The following ARHGAP25 variants were observed in gnomAD, a reference collection of about 807,000 sequenced individuals.
ARHGAP25 encodes the protein rho GTPase-activating protein 25.
ARHGAP25 carries 34 observed loss-of-function variants against 71.0 expected under a neutral mutation model. The ratio of observed to expected loss-of-function variants is 0.48; its 90% CI spans 0.36 to 0.64. The LOEUF is 0.64. Ranked by LOEUF, ARHGAP25 falls within the 30% of genes least tolerant of loss-of-function variation. The pLI, the probability that ARHGAP25 is intolerant of heterozygous loss-of-function variation, is 0.00. For synonymous variants in ARHGAP25, 282 were observed against 296.5 expected, an observed-to-expected ratio of 0.95 and a Z score of 0.50; for missense variants, 706 against 805.1, an observed-to-expected ratio of 0.88 and a Z score of 1.49.
chr2:68,771,265 T>C, intron 1 of ARHGAP25, among the ~76,000 whole-genome samples: 1 of 152,268 alleles, frequency 6.6e-6, no homozygotes, highest in African/African-American at 2.4e-5. Flanking sequence ...AGCAACTGCC[T>C]TCCCACCTTT....
intron 1 of ARHGAP25, among the ~76,000 whole-genome samples, chr2:68,748,016 A>G (rs2104307456): frequency 6.6e-6 from 1 of 152,300 alleles, no homozygotes; most frequent in Non-Finnish European, 1.5e-5. Flanking sequence ...AAAAGTGGAA[A>G]TCAAATGTGT....
rs1677202916 is a variant in ARHGAP25, at chr2:68,767,527, A to G, written c.62-7694A>G. ...GTAGCAATGCCAGGTCTGCTGTTTCAGAGAGCTCCCCAGTCGGCTCCTTCC... is the reference window on the plus strand; with the variant it reads ...GTAGCAATGCCAGGTCTGCTGTTTCGGAGAGCTCCCCAGTCGGCTCCTTCC... On this transcript the variant is annotated intron_variant, in intron 1 of 10. Transcript: ENST00000409202. The surrounding 1 kb of genome is among the most constrained non-coding windows in gnomAD (Gnocchi z 4.6). Among the ~76,000 whole-genome samples, 2 of 152,086 alleles carry G rather than the reference A, an allele frequency of 1.3e-5. No homozygotes were observed. Among genetic ancestry groups the G allele is most frequent in the Non-Finnish European group, 2.9e-5 (2 of 68,006 alleles).
chr2:68,735,020 C>T lies in ARHGAP25; in HGVS notation c.-180C>T. 1.6e-6 allele frequency: 1 copy of T among 639,426 alleles called. No homozygotes were observed. Among genetic ancestry groups the T allele is most frequent in the South Asian group, 1.9e-5 (1 of 53,674 alleles). 39.6% of individuals were successfully genotyped at this position (639,426 alleles called of 1,614,324 possible). ...AGTGACAGATGGATGGACCTTTCAT[C>T]TAAGAGAAAGGAGGAGACACGTTGG... On this transcript the variant is annotated 5_prime_UTR_variant, in exon 1 of 11. Coordinates refer to ENST00000409202, the MANE Select transcript of ARHGAP25 (RefSeq NM_001007231.3).
At position 68,816,336 on chromosome 2, in the gene ARHGAP25, C is replaced by T; in HGVS notation, c.855C>T (p.Asn285=). ...AGCTCTCCATCCTTCCTCGTGACAA[C>T]TATAGTCTCCTGAGCTACATCTGCA... is the stretch of plus-strand genomic sequence containing the variant. ...MKQLSILPRD[N]YSLLSYICRF... Residue 285 remains asparagine (N), a synonymous_variant, in exon 7 of 11, where the codon AAC becomes AAT. Transcript: ENST00000409202. 6.2e-7 allele frequency: 1 copy of T among 1,613,846 alleles called. No individual in the cohort carries two copies. The highest frequency in any genetic ancestry group is 8.5e-7 in the Non-Finnish European group (1 of 1,179,776).
chr2:68,764,480 A>G (rs913600171), intron 1 of ARHGAP25, among the ~76,000 whole-genome samples: 3 of 152,104 alleles, frequency 2.0e-5, no homozygotes, highest in African/African-American at 7.2e-5. Context: ...TCTCTGTTGA[A>G]GGAAAGTTCA....
intron 1 of ARHGAP25, among the ~76,000 whole-genome samples, chr2:68,770,140 T>C (rs1677391133): frequency 6.6e-6 from 1 of 152,090 alleles, no homozygotes. Context: ...TAAAGCAGGT[T>C]TGGGCATGTG....
intron 3 of ARHGAP25, among the ~76,000 whole-genome samples, chr2:68,785,811 A>G (rs1332082534): frequency 6.6e-6 from 1 of 152,202 alleles, no homozygotes; most frequent in Non-Finnish European, 1.5e-5. Flanking sequence ...GTCCATTTCC[A>G]ACAAGAGAAA....
upstream of ARHGAP25, among the ~76,000 whole-genome samples, chr2:68,734,555 C>A (rs373244029): frequency 6.6e-5 from 10 of 152,204 alleles, no homozygotes; most frequent in African/African-American, 1.9e-4. Flanking sequence ...ATGCTTGATC[C>A]GTTAGGTGAG....
chr2:68,807,500 T>C lies in ARHGAP25; in HGVS notation c.674+20T>C, dbSNP rs1680458897. 1 of 1,609,692 alleles carries C rather than the reference T, an allele frequency of 6.2e-7. No homozygotes were observed. Among genetic ancestry groups the C allele is most frequent in the African/African-American group, 1.3e-5 (1 of 74,828 alleles). On this transcript the variant is annotated intron_variant, in intron 5 of 10. Coordinates refer to ENST00000409202, the MANE Select transcript of ARHGAP25 (RefSeq NM_001007231.3). ...TGACAGGTACATTGCCCCACTGCAGTGTCCCACCTCTGCCCTCCCCTCTGC... is the reference window on the plus strand; with the variant it reads ...TGACAGGTACATTGCCCCACTGCAGCGTCCCACCTCTGCCCTCCCCTCTGC...
intron 2 of ARHGAP25, among the ~76,000 whole-genome samples, chr2:68,777,667 A>G (rs1242747865): frequency 6.6e-6 from 1 of 152,154 alleles, no homozygotes; most frequent in Non-Finnish European, 1.5e-5. Context: ...AAACCACACA[A>G]CCCTTCAATA....
upstream of ARHGAP25, among the ~76,000 whole-genome samples, chr2:68,731,877 T>C (rs1675030373): frequency 6.6e-6 from 1 of 152,138 alleles, no homozygotes; most frequent in South Asian, 2.1e-4. Flanking sequence ...AATCGTTCAC[T>C]TAATTGTTCT....
At chr2:68,795,661 T>G (rs988504323) in intron 4 of ARHGAP25, among the ~76,000 whole-genome samples, 3 of 152,190 alleles carry the variant, frequency 2.0e-5, no homozygotes, top group Non-Finnish European at 2.9e-5. Flanking sequence ...AAAAATTTTT[T>G]GGGACTTGTT....
chr2:68,795,278 C>G (rs1021040338), intron 4 of ARHGAP25, among the ~76,000 whole-genome samples: 2 of 152,024 alleles, frequency 1.3e-5, no homozygotes, highest in African/African-American at 4.8e-5. Context: ...TAGTTCTGCT[C>G]TGACCTTTGT....
At chr2:68,735,305 C>T in intron 1 of ARHGAP25, 45 bp downstream of exon 1, 1 of 1,567,682 alleles carries the variant, frequency 6.4e-7, no homozygotes, top group Non-Finnish European at 8.8e-7. Flanking sequence ...CTTACGTATA[C>T]TCGAGCACCA....
intron 9 of ARHGAP25, 52 bp downstream of exon 9, chr2:68,819,371 G>A: frequency 6.3e-7 from 1 of 1,595,242 alleles, no homozygotes; most frequent in Non-Finnish European, 8.6e-7. Context: ...TTTAGTCCAG[G>A]CCATCCCATG....
intron 1 of ARHGAP25, among the ~76,000 whole-genome samples, chr2:68,763,287 T>G (rs554790342): frequency 7.0e-4 from 106 of 152,366 alleles, no homozygotes; most frequent in Admixed American, 1.4e-3. Context: ...ACAGTAGAAG[T>G]ATCAGAAGTA....
upstream of ARHGAP25, among the ~76,000 whole-genome samples, chr2:68,734,654 C>A (rs1675117407): frequency 6.6e-6 from 1 of 152,096 alleles, no homozygotes; most frequent in African/African-American, 2.4e-5. Context: ...CAGAAGCAAC[C>A]ATTCTGGTTT....
chr2:68,719,383 GAATT>G (rs1558597319), intron 2 of ARHGAP25, among the ~76,000 whole-genome samples: 4 of 136,658 alleles, frequency 2.9e-5, no homozygotes, highest in African/African-American at 1.1e-4. Context: ...GAACCGAATT[GAATT>G]GTAGGACACC....
intron 2 of ARHGAP25, among the ~76,000 whole-genome samples, chr2:68,727,594 T>C (rs988704281): frequency 1.3e-5 from 2 of 152,178 alleles, no homozygotes; most frequent in African/African-American, 4.8e-5. Context: ...CTGACAAAGG[T>C]AGACCCTCAC....
Sources: allele counts gnomAD v4.1 joint callset (sites outside exome capture counted in the v4.1 genomes callset), GRCh38; gene constraint gnomAD v4.1.1; non-coding constraint Gnocchi (gnomAD v3.1); transcripts MANE v1.5; gene names NCBI Gene and HGNC (gene_info 2026-07-23, HGNC 2026-07-21).